The following TCF12 variants were observed in gnomAD, a reference collection of about 807,000 sequenced individuals.
TCF12 encodes DNA-binding protein HTF4.
In TCF12, 45 loss-of-function variants were observed where a neutral mutation model predicts 86.0. The observed-to-expected ratio is 0.52, with a 90% CI of 0.41 to 0.67. The LOEUF is 0.67. Ranked by LOEUF, TCF12 falls within the 30% of genes least tolerant of loss-of-function variation. The pLI is 0.00. For synonymous variants in TCF12, 330 were observed against 299.6 expected, an observed-to-expected ratio of 1.10 and a Z score of -1.05; for missense variants, 881 against 859.9, an observed-to-expected ratio of 1.02 and a Z score of -0.31.
chr15:57,237,565 C>T (rs1281029772), intron 12 of TCF12, among the ~76,000 whole-genome samples: 1 of 152,148 alleles, frequency 6.6e-6, no homozygotes, highest in Admixed American at 6.6e-5. Flanking sequence ...GGTCATTTAA[C>T]AGTATGAGGA....
chr15:57,220,223 C>G (rs1324857048), intron 8 of TCF12, among the ~76,000 whole-genome samples: 1 of 152,076 alleles, frequency 6.6e-6, no homozygotes, highest in African/African-American at 2.4e-5. Context: ...ATATTGTGAA[C>G]AAATCCTTAC....
At chr15:56,918,368 C>G (rs1567097632), upstream of TCF12, 1 of 389,634 alleles carries the variant, frequency 2.6e-6, no homozygotes, top group South Asian at 1.8e-5. Flanking sequence ...TACCTGCCAC[C>G]CCGCTCCCAG....
chr15:56,991,865 A>G (rs1425790534), intron 3 of TCF12, among the ~76,000 whole-genome samples: 1 of 152,150 alleles, frequency 6.6e-6, no homozygotes, highest in Non-Finnish European at 1.5e-5. Flanking sequence ...TCTTTTAACC[A>G]TCAGGGTATA....
intron 3 of TCF12, among the ~76,000 whole-genome samples, chr15:56,922,428 G>T (rs1340650442): frequency 6.6e-6 from 1 of 151,862 alleles, no homozygotes; most frequent in Non-Finnish European, 1.5e-5. Context: ...TAGAATAAAG[G>T]CAATTACATT....
intron 3 of TCF12, among the ~76,000 whole-genome samples, chr15:57,040,947 C>T (rs2733175): frequency 0.011 from 1,624 of 152,210 alleles, 33 homozygotes; most frequent in African/African-American, 0.037. Context: ...TCATAGTGTT[C>T]TGAAGACCAC....
chr15:57,050,257 C>CT (rs1331239163), intron 3 of TCF12, among the ~76,000 whole-genome samples: 16 of 151,120 alleles, frequency 1.1e-4, no homozygotes, highest in East Asian at 5.8e-4. Context: ...TGTATGCTTT[C>CT]TTTTTTTTTA....
At chr15:57,139,327 AT>A (rs1396233569) in intron 5 of TCF12, among the ~76,000 whole-genome samples, 1 of 152,136 alleles carries the variant, frequency 6.6e-6, no homozygotes, top group Non-Finnish European at 1.5e-5. Flanking sequence ...CATACACTAA[AT>A]TTTCAAAGCA....
At chr15:57,091,963 C>T (rs2049020063) in intron 5 of TCF12, 72 bp downstream of exon 5, 3 of 1,274,056 alleles carry the variant, frequency 2.4e-6, no homozygotes, top group African/African-American at 1.5e-5. Flanking sequence ...ATCCCTTTGT[C>T]CAGGAGGGAC....
chr15:57,019,875 C>A (rs2065371355), intron 3 of TCF12, among the ~76,000 whole-genome samples: 1 of 151,884 alleles, frequency 6.6e-6, no homozygotes, highest in Non-Finnish European at 1.5e-5. Context: ...AACCTTGTGA[C>A]CTTTCATTAA....
In TCF12 at chr15:57,215,800, G is replaced by A. The variant is rs370226241; in HGVS notation, c.580-15352G>A. ...GGATCATTTAAAAATAGCTATAACT[G>A]TTGTAGTGATCCAAATATCAGGATA... On this transcript the variant is annotated intron_variant, in intron 8 of 20. Transcript: ENST00000333725. Among the ~76,000 whole-genome samples the A allele has an allele frequency of 1.2e-3, 176 of 152,240 alleles. 1 individual carries two copies. Among genetic ancestry groups the A allele is most frequent in the African/African-American group, 4.0e-3 (168 of 41,560 alleles).
chr15:57,183,082 T>C (rs1300348964), intron 6 of TCF12, among the ~76,000 whole-genome samples: 1 of 152,180 alleles, frequency 6.6e-6, no homozygotes, highest in Non-Finnish European at 1.5e-5. Context: ...CTAAATGAGA[T>C]AGTACATTTG....
intron 3 of TCF12, among the ~76,000 whole-genome samples, chr15:56,984,249 GGTGTGTGTGTGT>G (rs56221122): frequency 6.3e-4 from 77 of 123,072 alleles, no homozygotes; most frequent in Middle Eastern, 4.1e-3. Flanking sequence ...GCATGTGCAT[GGTGTGTGTGTGT>G]GTGTGTGTGT....
chr15:57,133,090 A>G (rs548589339), intron 5 of TCF12, among the ~76,000 whole-genome samples: 1 of 152,342 alleles, frequency 6.6e-6, no homozygotes, highest in East Asian at 1.9e-4. Context: ...ATTACCAACT[A>G]CCATTTTTAC....
At chr15:57,279,403 A>C (rs1166980812) in intron 19 of TCF12, among the ~76,000 whole-genome samples, 2 of 152,206 alleles carry the variant, frequency 1.3e-5, no homozygotes, top group African/African-American at 4.8e-5. Flanking sequence ...CCCCTAATTG[A>C]AATATGGGAA....
At chr15:57,254,719 A>G (rs962449641) in intron 16 of TCF12, among the ~76,000 whole-genome samples, 3 of 151,996 alleles carry the variant, frequency 2.0e-5, no homozygotes, top group South Asian at 4.1e-4. Context: ...TTAGTCTGGC[A>G]CAGTGGCATG....
intron 19 of TCF12, among the ~76,000 whole-genome samples, chr15:57,279,708 G>A (rs754204513): frequency 3.9e-5 from 6 of 152,094 alleles, no homozygotes; most frequent in Non-Finnish European, 7.3e-5. Context: ...AGATCCTGGT[G>A]TGATAGAGTC....
chr15:57,212,008 C>G lies in TCF12; in HGVS notation c.579+14183C>G, dbSNP rs565975776. Among the ~76,000 whole-genome samples the G allele has an allele frequency of 1.9e-3, 284 of 146,126 alleles. 1 individual carries two copies. The highest frequency in any genetic ancestry group is 7.0e-3 in the African/African-American group (274 of 39,130). On this transcript the variant is annotated intron_variant, in intron 8 of 20. Transcript: ENST00000333725. ...ACACACACACACACACACACACACA[C>G]TTTAAGATTGGTGTGGACACCTGGT...
At chr15:57,221,365 AT>A (rs2058579941) in intron 8 of TCF12, among the ~76,000 whole-genome samples, 1 of 134,952 alleles carries the variant, frequency 7.4e-6, no homozygotes, top group Non-Finnish European at 1.6e-5. Context: ...TGAACATGGT[AT>A]GTGGGTATGT....
chr15:57,092,463 A>G (rs2049052672), intron 5 of TCF12, among the ~76,000 whole-genome samples: 1 of 152,170 alleles, frequency 6.6e-6, no homozygotes, highest in African/African-American at 2.4e-5. Context: ...CTTGATTTTT[A>G]TGTTTAGGCA....
Sources: gnomAD v4.1 joint callset for allele counts (sites outside exome capture counted in the v4.1 genomes callset) on GRCh38, gnomAD v4.1.1 for gene constraint, MANE v1.5 for transcripts, NCBI Gene and HGNC (gene_info 2026-07-23, HGNC 2026-07-21) for gene names.